Variants in EEPD1 observed in about 807,000 individuals in gnomAD.
EEPD1 encodes the protein endonuclease/exonuclease/phosphatase family domain containing 1.
In EEPD1, 17 loss-of-function variants were observed where a neutral mutation model predicts 46.3. The ratio of observed to expected loss-of-function variants is 0.37; its 90% CI spans 0.25 to 0.55. The LOEUF (loss-of-function observed/expected upper bound fraction) is 0.55. Among genes scored for constraint, EEPD1 ranks in the 20% least tolerant of loss-of-function variants. The probability of loss-of-function intolerance (pLI) is 0.83; values close to 1 mark genes in which losing one functional copy is unlikely to be tolerated. For synonymous variants in EEPD1, 313 were observed against 315.6 expected (o/e 0.99, Z 0.09); for missense variants, 673 against 745.6 (o/e 0.90, Z 1.13).
intron 6 of EEPD1, among the ~76,000 whole-genome samples, chr7:36,292,493 T>TTTTCTC (rs988548501): frequency 4.0e-5 from 6 of 150,904 alleles, no homozygotes; most frequent in Admixed American, 2.7e-4. Context: ...TTCTCTCTCT[T>TTTTCTC]TTTCTCTTTC....
intron 3 of EEPD1, among the ~76,000 whole-genome samples, chr7:36,272,639 T>G (rs1378350657): frequency 6.6e-6 from 1 of 151,704 alleles, no homozygotes; most frequent in African/African-American, 2.4e-5. Context: ...AGCACGTGGG[T>G]GTCACTTACC....
At chr7:36,219,796 A>AGTGTGT (rs1186303893) in intron 2 of EEPD1, among the ~76,000 whole-genome samples, 6 of 80,128 alleles carry the variant, frequency 7.5e-5, no homozygotes, top group African/African-American at 1.1e-4. Flanking sequence ...AGAGAGAGAG[A>AGTGTGT]GAGAGAGAGA....
chr7:36,173,799 C>A (rs1785129936), intron 2 of EEPD1, among the ~76,000 whole-genome samples: 1 of 152,162 alleles, frequency 6.6e-6, no homozygotes, highest in Non-Finnish European at 1.5e-5. Flanking sequence ...CCACTGTCAT[C>A]CTTTTAGATC....
intron 2 of EEPD1, among the ~76,000 whole-genome samples, chr7:36,232,310 T>C (rs1291216308): frequency 6.6e-6 from 1 of 151,926 alleles, no homozygotes; most frequent in African/African-American, 2.4e-5. Flanking sequence ...GTTCAAGCGA[T>C]TCTCCTGTCT....
At chr7:36,189,973 G>A (rs1785432800) in intron 2 of EEPD1, among the ~76,000 whole-genome samples, 1 of 152,146 alleles carries the variant, frequency 6.6e-6, no homozygotes, top group Admixed American at 6.5e-5. Flanking sequence ...GGGCAATGTA[G>A]TGAGAGCCTG....
chr7:36,206,481 C>T (rs546941823), intron 2 of EEPD1, among the ~76,000 whole-genome samples: 1 of 152,198 alleles, frequency 6.6e-6, no homozygotes, highest in Non-Finnish European at 1.5e-5. Context: ...ATTTCAGGTG[C>T]CCAGTGGCCA....
intron 2 of EEPD1, among the ~76,000 whole-genome samples, chr7:36,212,212 T>C (rs1454102419): frequency 2.0e-5 from 3 of 152,172 alleles, no homozygotes; most frequent in Non-Finnish European, 4.4e-5. Context: ...AGATGTCAGT[T>C]TTCCTCTATG....
chr7:36,189,140 G>T (rs1265072729), intron 2 of EEPD1, among the ~76,000 whole-genome samples: 1 of 152,126 alleles, frequency 6.6e-6, no homozygotes, highest in African/African-American at 2.4e-5. Context: ...CCTGCTCATT[G>T]TACTGGCCCC....
chr7:36,167,235 T>C (rs2115617269), intron 2 of EEPD1, among the ~76,000 whole-genome samples: 1 of 152,286 alleles, frequency 6.6e-6, no homozygotes, highest in East Asian at 1.9e-4. Flanking sequence ...CACAGGAATT[T>C]GGGGGGACAC....
chr7:36,209,400 C>G (rs552995374), intron 2 of EEPD1, among the ~76,000 whole-genome samples: 63 of 152,304 alleles, frequency 4.1e-4, no homozygotes, highest in Non-Finnish European at 6.6e-4. Context: ...TAGGGGCCAC[C>G]TGGTGCCCTG....
At chr7:36,188,796 A>G (rs1348886533) in intron 2 of EEPD1, among the ~76,000 whole-genome samples, 1 of 152,208 alleles carries the variant, frequency 6.6e-6, no homozygotes, top group Non-Finnish European at 1.5e-5. Context: ...ATGGCTAATT[A>G]CAGATATTTA....
intron 2 of EEPD1, among the ~76,000 whole-genome samples, chr7:36,186,657 T>A (rs1785363664): frequency 6.6e-6 from 1 of 152,226 alleles, no homozygotes; most frequent in Admixed American, 6.5e-5. Context: ...AATAGAATAA[T>A]TCAAGGGAAG....
At chr7:36,181,555 G>C (rs867801224) in intron 2 of EEPD1, among the ~76,000 whole-genome samples, 2 of 152,258 alleles carry the variant, frequency 1.3e-5, no homozygotes, top group Non-Finnish European at 2.9e-5. Context: ...AGCACCTGGA[G>C]TTGGCCTGTA....
chr7:36,180,750 C>A (rs189391025), intron 2 of EEPD1, among the ~76,000 whole-genome samples: 1 of 152,102 alleles, frequency 6.6e-6, no homozygotes, highest in African/African-American at 2.4e-5. Context: ...CTGGACTGGT[C>A]GGGCTCCTTC....
chr7:36,279,633 C>T (rs558447639), intron 3 of EEPD1, among the ~76,000 whole-genome samples: 4 of 152,344 alleles, frequency 2.6e-5, no homozygotes, highest in South Asian at 4.1e-4. Context: ...GCTCACACAC[C>T]GCCAGGATCT....
chr7:36,162,503 G>T (rs11974488), intron 2 of EEPD1, among the ~76,000 whole-genome samples: 51,874 of 151,876 alleles, frequency 0.34, 9,297 homozygotes, highest in African/African-American at 0.46. Flanking sequence ...AATTACCCAA[G>T]GTTGGTGGTG....
At chr7:36,169,414 A>C (rs928558175) in intron 2 of EEPD1, among the ~76,000 whole-genome samples, 1 of 152,180 alleles carries the variant, frequency 6.6e-6, no homozygotes, top group African/African-American at 2.4e-5. Context: ...TGTCTTTTTG[A>C]TGAAAGCCAT....
intron 2 of EEPD1, among the ~76,000 whole-genome samples, chr7:36,219,980 C>A (rs894752586): frequency 6.6e-6 from 1 of 152,098 alleles, no homozygotes; most frequent in Admixed American, 6.5e-5. Context: ...CCCACATGGC[C>A]TGAGCAGGTT....
intron 2 of EEPD1, among the ~76,000 whole-genome samples, chr7:36,211,964 A>G (rs1217574325): frequency 2.0e-5 from 3 of 152,176 alleles, no homozygotes; most frequent in Admixed American, 6.5e-5. Context: ...TATCACAAGC[A>G]TTAGAAACAA....
Sources: gnomAD v4.1 joint callset for allele counts (sites outside exome capture counted in the v4.1 genomes callset) on GRCh38, gnomAD v4.1.1 for gene constraint, MANE v1.5 for transcripts, NCBI Gene and HGNC (gene_info 2026-07-23, HGNC 2026-07-21) for gene names.